Variants in PLCB4 observed in about 807,000 individuals in gnomAD.
The protein encoded by PLCB4 is phospholipase C beta 4.
In PLCB4, 77 loss-of-function variants were observed where a neutral mutation model predicts 178.8. The observed-to-expected ratio is 0.43, with a 90% CI of 0.36 to 0.52. PLCB4 has a LOEUF of 0.52. Ranked by LOEUF, PLCB4 falls within the 20% of genes least tolerant of loss-of-function variation. The pLI is 0.00. For synonymous variants in PLCB4, 496 were observed against 490.8 expected (o/e 1.01, Z -0.14); for missense variants, 1,024 against 1,453.4 (o/e 0.70, Z 4.80).
intron 2 of PLCB4, among the ~76,000 whole-genome samples, chr20:9,211,752 A>G (rs1057356384): frequency 6.6e-6 from 1 of 152,246 alleles, no homozygotes; most frequent in African/African-American, 2.4e-5. Flanking sequence ...CCCATTCAAT[A>G]GAAGAATGAT....
In PLCB4 at chr20:9,396,142, A is replaced by T. The variant is rs1436548007; in HGVS notation, c.1510+524A>T. 5.3e-5 allele frequency among the ~76,000 whole-genome samples: 8 copies of T among 152,224 alleles called. No homozygotes were observed. In the East Asian group the frequency reaches 1.5e-3, roughly 29 times the overall value. On this transcript the variant is annotated intron_variant, in intron 19 of 39. Transcript: ENST00000378473. ...TAATGGCCTTGTCATCTCCCTTCCT[A>T]TTGGCCATTCAGCTATTCAGCAGAA... is the stretch of plus-strand genomic sequence containing the variant.
intron 2 of PLCB4, among the ~76,000 whole-genome samples, chr20:9,152,457 GC>G (rs2092707746): frequency 1.3e-5 from 2 of 152,286 alleles, no homozygotes; most frequent in African/African-American, 2.4e-5. Context: ...GCTGAAAGGG[GC>G]TAACATAGAG....
chr20:9,332,649 G>A (rs945725188), intron 4 of PLCB4, among the ~76,000 whole-genome samples: 5 of 152,138 alleles, frequency 3.3e-5, no homozygotes, highest in South Asian at 2.1e-4. Flanking sequence ...CAACTGATAC[G>A]TTTTTATTTT....
chr20:9,460,894 C>T (rs769808024), intron 35 of PLCB4, among the ~76,000 whole-genome samples: 2 of 152,184 alleles, frequency 1.3e-5, no homozygotes, highest in Admixed American at 1.3e-4. Context: ...CTCCCATGCT[C>T]CATTTTCTGT....
intron 35 of PLCB4, among the ~76,000 whole-genome samples, chr20:9,460,092 C>T (rs908001001): frequency 1.3e-5 from 2 of 152,118 alleles, no homozygotes; most frequent in Non-Finnish European, 2.9e-5. Context: ...AAGACCCCAT[C>T]TCTATTTTGA....
At chr20:9,127,614 CT>C (rs1353399623) in intron 2 of PLCB4, among the ~76,000 whole-genome samples, 1 of 151,198 alleles carries the variant, frequency 6.6e-6, no homozygotes, top group African/African-American at 2.5e-5. Context: ...CAACATTTAA[CT>C]TTTAAAAAAA....
chr20:9,372,351 C>G lies in PLCB4; in HGVS notation c.634C>G (p.Leu212Val). 1 of 1,604,474 alleles carries G rather than the reference C, an allele frequency of 6.2e-7. No homozygotes were observed. Among genetic ancestry groups the G allele is most frequent in the East Asian group, 2.2e-5 (1 of 44,762 alleles). ...ATTTTCTTATGAAAAGTTCTATGAA[C>G]TGACACAAAAGATTTGTCCTCGGAC... ...TAFSYEKFYE[L>V]TQKICPRTDI... The change falls in exon 11 of 40, where the codon CTG becomes GTG. Residue 212 changes from leucine to valine, a missense_variant. Leu to Val is a conservative substitution (Grantham distance 32). This residue lies in a region of PLCB4 where 225 missense variants were observed against 291.0 expected (regional missense o/e 0.77). Transcript: ENST00000378473.
chr20:9,153,529 T>C (rs539382444), intron 2 of PLCB4, among the ~76,000 whole-genome samples: 118 of 152,336 alleles, frequency 7.7e-4, no homozygotes, highest in East Asian at 2.5e-3. Context: ...CCTCCCGCCA[T>C]GATTCTGAGG....
At chr20:9,395,804 G>T (rs1263151254) in intron 19 of PLCB4, among the ~76,000 whole-genome samples, 186 bp downstream of exon 19, 1 of 152,078 alleles carries the variant, frequency 6.6e-6, no homozygotes, top group Non-Finnish European at 1.5e-5. Flanking sequence ...GAGACCCCAT[G>T]TCTACAAAAA....
At chr20:9,119,983 T>C (rs1037812503) in intron 2 of PLCB4, among the ~76,000 whole-genome samples, 2 of 152,196 alleles carry the variant, frequency 1.3e-5, no homozygotes, top group East Asian at 1.9e-4. Context: ...AGTGGAGTGA[T>C]ACCAGCCGGT....
intron 25 of PLCB4, among the ~76,000 whole-genome samples, chr20:9,411,493 G>A (rs768908613): frequency 1.3e-5 from 2 of 152,108 alleles, no homozygotes; most frequent in Admixed American, 6.6e-5. Context: ...ATGAAGTTGT[G>A]GGTGTCGAGC....
At chr20:9,174,013 A>C (rs1365582592) in intron 2 of PLCB4, among the ~76,000 whole-genome samples, 3 of 152,236 alleles carry the variant, frequency 2.0e-5, no homozygotes, top group African/African-American at 7.2e-5. Context: ...CCCCCTTCAC[A>C]AATTACCGTA....
intron 11 of PLCB4, 54 bp from the exon 12 acceptor site, chr20:9,372,993 C>T: frequency 1.3e-6 from 1 of 763,112 alleles, no homozygotes. Context: ...GTAAATCGTA[C>T]ATACTGTAGC....
chr20:9,250,150 G>A (rs985582406), intron 3 of PLCB4, among the ~76,000 whole-genome samples: 3 of 152,090 alleles, frequency 2.0e-5, no homozygotes, highest in African/African-American at 7.2e-5. Context: ...CAGTATTTTG[G>A]CACAAAAAAA....
chr20:9,473,777 A>C (rs1427271413), intron 38 of PLCB4, among the ~76,000 whole-genome samples: 4 of 152,164 alleles, frequency 2.6e-5, no homozygotes, highest in Non-Finnish European at 5.9e-5. Context: ...CTGAAAACGA[A>C]GTTTAAAAAC....
chr20:9,424,606 A>T (rs1248364713), intron 28 of PLCB4, among the ~76,000 whole-genome samples: 1 of 152,240 alleles, frequency 6.6e-6, no homozygotes, highest in South Asian at 2.1e-4. Context: ...CGATTAGCCA[A>T]GGGTTCAAAT....
chr20:9,408,869 A>G, intron 23 of PLCB4, 152 bp downstream of exon 23: 1 of 710,396 alleles, frequency 1.4e-6, no homozygotes, highest in Non-Finnish European at 2.4e-6. Context: ...AATCTGCCCA[A>G]ATGAAAATTG....
chr20:9,078,537 T>C (rs924188644), intron 1 of PLCB4, among the ~76,000 whole-genome samples: 18 of 151,928 alleles, frequency 1.2e-4, no homozygotes, highest in African/African-American at 4.3e-4. Context: ...AATTTTTGTA[T>C]TTTTAGTAGA....
intron 28 of PLCB4, among the ~76,000 whole-genome samples, chr20:9,435,070 A>G (rs1375782400): frequency 6.6e-6 from 1 of 152,236 alleles, no homozygotes; most frequent in African/African-American, 2.4e-5. Flanking sequence ...ATTGGCTTTG[A>G]ATATGTATTA....
Sources: allele counts gnomAD v4.1 joint callset (sites outside exome capture counted in the v4.1 genomes callset), GRCh38; gene constraint gnomAD v4.1.1; regional missense constraint gnomAD v4.1.1; transcripts MANE v1.5; gene names NCBI Gene and HGNC (gene_info 2026-07-23, HGNC 2026-07-21).